TAFA2: variants seen among roughly 807,000 people sequenced by gnomAD.
The protein encoded by TAFA2 is chemokine-like protein TAFA-2.
Under a neutral mutation model 18.8 loss-of-function variants are expected in TAFA2, and 7 were observed. That is an observed-to-expected ratio of 0.37 (90% CI 0.21 to 0.70). The LOEUF (loss-of-function observed/expected upper bound fraction) is 0.70, where lower values mean the gene tolerates loss of function less well. Ranked by LOEUF, TAFA2 falls within the 30% of genes least tolerant of loss-of-function variation. The pLI, the probability that TAFA2 is intolerant of heterozygous loss-of-function variation, is 0.53. For synonymous variants in TAFA2, 60 were observed against 54.2 expected (o/e 1.11, Z -0.47); for missense variants, 122 against 158.1 (o/e 0.77, Z 1.23).
intron 1 of TAFA2, among the ~76,000 whole-genome samples, chr12:62,069,746 C>T (rs2136801857): frequency 6.6e-6 from 1 of 152,216 alleles, no homozygotes; most frequent in South Asian, 2.1e-4. Context: ...ATTTTAGTTC[C>T]TTCACATGAC....
intron 1 of TAFA2, among the ~76,000 whole-genome samples, chr12:62,125,117 C>T (rs1452773865): frequency 6.6e-6 from 1 of 152,108 alleles, no homozygotes; most frequent in Non-Finnish European, 1.5e-5. Flanking sequence ...AAAAAGGATT[C>T]TATGAGCACC....
chr12:61,775,586 G>A (rs1374747489), intron 2 of TAFA2, among the ~76,000 whole-genome samples: 2 of 151,818 alleles, frequency 1.3e-5, no homozygotes, highest in African/African-American at 2.4e-5. Context: ...ATGCTTTTCT[G>A]GAAAAGGAGA....
At position 61,710,435 on chromosome 12, in the gene TAFA2, A is replaced by G; in HGVS notation, c.385-18T>C. On this transcript the variant is annotated intron_variant, in intron 4 of 4. Coordinates refer to ENST00000416284, the MANE Select transcript of TAFA2 (RefSeq NM_178539.5). ...TGGGTTACCTACAAAGGAAGGAGAA[A>G]ATATAGTCAACATTTCATAACATAC... 6.3e-7 allele frequency: 1 copy of G among 1,589,748 alleles called. No individual in the cohort carries two copies. Among genetic ancestry groups the G allele is most frequent in the Non-Finnish European group, 8.6e-7 (1 of 1,158,462 alleles).
chr12:61,742,877 C>T (rs1868520837), intron 4 of TAFA2, among the ~76,000 whole-genome samples: 2 of 152,008 alleles, frequency 1.3e-5, no homozygotes, highest in Non-Finnish European at 1.5e-5. Context: ...CTACCATCAC[C>T]TCCCTACCTT....
intron 1 of TAFA2, among the ~76,000 whole-genome samples, chr12:61,959,699 T>A (rs1878816642): frequency 6.6e-6 from 1 of 152,088 alleles, no homozygotes; most frequent in South Asian, 2.1e-4. Context: ...AGAGAGAACA[T>A]CTACTCTGAG....
intron 2 of TAFA2, among the ~76,000 whole-genome samples, chr12:61,859,358 G>T (rs1874021867): frequency 6.6e-6 from 1 of 152,156 alleles, no homozygotes; most frequent in Non-Finnish European, 1.5e-5. Context: ...TGACACGTGG[G>T]GATTATCCCC....
At chr12:61,805,334 A>T (rs1871566221) in intron 2 of TAFA2, among the ~76,000 whole-genome samples, 1 of 152,088 alleles carries the variant, frequency 6.6e-6, no homozygotes, top group Admixed American at 6.6e-5. Context: ...GCCACACACC[A>T]GTGAGATTCT....
At chr12:62,118,947 A>C (rs1870079798) in intron 1 of TAFA2, among the ~76,000 whole-genome samples, 1 of 152,156 alleles carries the variant, frequency 6.6e-6, no homozygotes, top group African/African-American at 2.4e-5. Context: ...TTAATATAGC[A>C]AAATATATGT....
intron 1 of TAFA2, among the ~76,000 whole-genome samples, chr12:62,168,559 G>T (rs1429775494): frequency 6.6e-6 from 1 of 152,196 alleles, no homozygotes. Flanking sequence ...TTAAGGCCAG[G>T]TGTCATGACT....
At chr12:62,064,339 G>A (rs17125813) in intron 1 of TAFA2, among the ~76,000 whole-genome samples, 5,113 of 152,094 alleles carry the variant, frequency 0.034, 287 homozygotes, top group African/African-American at 0.12. Flanking sequence ...AAAAGTTTGA[G>A]CCTATTTAAA....
intron 1 of TAFA2, among the ~76,000 whole-genome samples, chr12:62,062,813 A>ACCATTTCCTGAAAAAT (rs1882386750): frequency 2.0e-5 from 3 of 152,282 alleles, no homozygotes; most frequent in Non-Finnish European, 4.4e-5. Flanking sequence ...TAGTGGAGGT[A>ACCATTTCCTGAAAAAT]ACCATTTTCC....
intron 1 of TAFA2, among the ~76,000 whole-genome samples, chr12:62,011,753 A>AC (rs1205588617): frequency 2.2e-5 from 2 of 88,968 alleles, no homozygotes; most frequent in East Asian, 5.9e-4. Context: ...ATAAATACTA[A>AC]AAAAAAAAAA....
At chr12:62,034,144 C>T (rs1166560904) in intron 1 of TAFA2, among the ~76,000 whole-genome samples, 1 of 152,132 alleles carries the variant, frequency 6.6e-6, no homozygotes, top group East Asian at 1.9e-4. Context: ...GGGTACATGA[C>T]ATGATAAGCG....
chr12:62,144,264 C>T (rs1444527793), intron 1 of TAFA2, among the ~76,000 whole-genome samples: 1 of 151,948 alleles, frequency 6.6e-6, no homozygotes, highest in African/African-American at 2.4e-5. Context: ...ACATCTCTGT[C>T]CAAAATTATG....
intron 2 of TAFA2, among the ~76,000 whole-genome samples, chr12:61,760,364 A>AT (rs1242128090): frequency 4.9e-4 from 63 of 129,236 alleles, no homozygotes; most frequent in African/African-American, 1.4e-3. Context: ...AAAAATATCA[A>AT]AATATATATA....
At chr12:61,844,160 A>G (rs1057405163) in intron 2 of TAFA2, among the ~76,000 whole-genome samples, 6 of 152,174 alleles carry the variant, frequency 3.9e-5, no homozygotes, top group African/African-American at 9.6e-5. Flanking sequence ...ATGAGACCCA[A>G]TGAGAATCCC....
At chr12:61,788,480 A>G (rs1870832010) in intron 2 of TAFA2, among the ~76,000 whole-genome samples, 4 of 151,800 alleles carry the variant, frequency 2.6e-5, no homozygotes, top group South Asian at 4.1e-4. Flanking sequence ...TAATAAATTT[A>G]AGAAGACAGA....
intron 1 of TAFA2, among the ~76,000 whole-genome samples, chr12:61,980,638 T>C (rs1879599482): frequency 6.6e-6 from 1 of 152,064 alleles, no homozygotes; most frequent in Non-Finnish European, 1.5e-5. Flanking sequence ...TGTGCAAAAA[T>C]CACAAGCATT....
chr12:62,089,175 C>T (rs990871274), intron 1 of TAFA2, among the ~76,000 whole-genome samples: 1 of 152,100 alleles, frequency 6.6e-6, no homozygotes, highest in Non-Finnish European at 1.5e-5. Context: ...CGTTTATTAA[C>T]ATTTGAAAGC....
Sources: allele counts gnomAD v4.1 joint callset (sites outside exome capture counted in the v4.1 genomes callset), GRCh38; gene constraint gnomAD v4.1.1; transcripts MANE v1.5; gene names NCBI Gene and HGNC (gene_info 2026-07-23, HGNC 2026-07-21).